The following ZAN variants were observed in gnomAD, a reference collection of about 807,000 sequenced individuals.
ZAN encodes zonadhesin.
ZAN carries 260 observed loss-of-function variants against 286.2 expected under a neutral mutation model. That is an observed-to-expected ratio of 0.91 (90% CI 0.82 to 1.01). The LOEUF (loss-of-function observed/expected upper bound fraction) is 1.01. Among genes scored for constraint, ZAN ranks in the 50% least tolerant of loss-of-function variants. The probability of loss-of-function intolerance (pLI) is 0.00; values close to 1 mark genes in which losing one functional copy is unlikely to be tolerated. For missense variants in ZAN, 3,410 were observed against 3,639.2 expected (o/e 0.94, Z 1.62); for synonymous variants, 1,368 against 1,417.5 (o/e 0.97, Z 0.79).
chr7:100,744,992 T>C lies in ZAN; in HGVS notation c.767-1546T>C, dbSNP rs570225063. Among the ~76,000 whole-genome samples the C allele has an allele frequency of 5.3e-4, 81 of 151,452 alleles. 2 individuals are homozygous for C. Among genetic ancestry groups the C allele is most frequent in the African/African-American group, 1.9e-3 (77 of 41,142 alleles). On this transcript the variant is annotated intron_variant, in intron 7 of 47. Transcript: ENST00000613979. Reference sequence around the variant, plus strand: ...TCCGCCTCCCGGGTTTAAGCGATTCTCCTGCCTCAGCCTCCCGAGTAGCTG... The same window carrying C: ...TCCGCCTCCCGGGTTTAAGCGATTCCCCTGCCTCAGCCTCCCGAGTAGCTG...
Position 100,762,345 on chromosome 7 carries a change from G to T in ZAN, c.3973G>T (p.Asp1325Tyr). Residue 1325 changes from aspartate to tyrosine, a missense_variant, in exon 20 of 48, where the codon GAC becomes TAC. This residue lies in a region of ZAN where 1,042 missense variants were observed against 1,058.0 expected (regional missense o/e 0.98). Coordinates refer to ENST00000613979, the MANE Select transcript of ZAN (RefSeq NM_003386.3). ...GGGGAACAGCTGGCAGACGGACCAG[G>T]ACGAGGACCAGGAGTGAGCAAGGAG... is the stretch of plus-strand genomic sequence containing the variant. ...ELGNSWQTDQ[D>Y]EDQECQKYQV... is the part of the protein sequence containing the mutation. The T allele has an allele frequency of 6.2e-7, 1 of 1,612,890 alleles. No homozygotes were observed. Among genetic ancestry groups the T allele is most frequent in the South Asian group, 1.1e-5 (1 of 91,024 alleles).
intron 45 of ZAN, among the ~76,000 whole-genome samples, chr7:100,795,889 G>C (rs1812329069): frequency 6.6e-6 from 1 of 150,842 alleles, no homozygotes; most frequent in Non-Finnish European, 1.5e-5. Flanking sequence ...CTGGGTGACA[G>C]AGCAAGACTC....
intron 34 of ZAN, among the ~76,000 whole-genome samples, chr7:100,778,945 A>G (rs1394650141): frequency 6.6e-6 from 1 of 151,820 alleles, no homozygotes; most frequent in African/African-American, 2.4e-5. Context: ...AGGCAGGAGA[A>G]TCGCTTTAAC....
chr7:100,751,979 A>C lies in ZAN; in HGVS notation c.1874A>C (p.Lys625Thr). 1.2e-6 allele frequency: 2 copies of C among 1,613,024 alleles called. No individual in the cohort carries two copies. Among genetic ancestry groups the C allele is most frequent in the Non-Finnish European group, 1.7e-6 (2 of 1,179,584 alleles). ...GAAAAACCCACCATTCCCTCAGAAA[A>C]ACCCACCATCCTCACAGAAAAACCC... is the stretch of plus-strand genomic sequence containing the variant. ...PSEKPTIPSEKPTILTEKPTI... is the reference protein window; with the variant it reads ...PSEKPTIPSETPTILTEKPTI... Residue 625 changes from lysine (K) to threonine (T), a missense_variant, in exon 14 of 48, where the codon AAA (lysine) becomes ACA (threonine). This residue lies in a region of ZAN where 872 missense variants were observed against 938.9 expected (regional missense o/e 0.93). Coordinates refer to ENST00000613979, the MANE Select transcript of ZAN (RefSeq NM_003386.3).
chr7:100,758,131 A>G (rs1809281252), intron 15 of ZAN, 71 bp from the exon 16 acceptor site: 2 of 1,253,294 alleles, frequency 1.6e-6, no homozygotes, highest in African/African-American at 1.6e-5. Context: ...TAAATAAATG[A>G]AAAAGAAAGG....
intron 23 of ZAN, among the ~76,000 whole-genome samples, chr7:100,765,988 G>GTTT (rs200743931): frequency 1.4e-5 from 2 of 139,946 alleles, no homozygotes; most frequent in African/African-American, 2.7e-5. Context: ...GTTGTTTTTG[G>GTTT]TTTTTGTTTT....
rs1182440035 is a variant in ZAN, at chr7:100,793,934, C to T, written c.7902C>T (p.Arg2634=). 6.2e-7 allele frequency: 1 copy of T among 1,613,826 alleles called. No individual in the cohort carries two copies. Among genetic ancestry groups the T allele is most frequent in the Non-Finnish European group, 8.5e-7 (1 of 1,179,892 alleles). Residue 2634 remains arginine, a synonymous_variant, in exon 43 of 48, where the codon CGC becomes CGT. Transcript: ENST00000613979. The part of the protein sequence containing the change: ...GLRGPLRGRL[R]QHPRLCLQWH... ...GAGGGCCCCTGCGTGGAAGGCTGCGCCAGCATCCCAGGCTATGCCTACAGT... is the reference window on the plus strand; with the variant it reads ...GAGGGCCCCTGCGTGGAAGGCTGCGTCAGCATCCCAGGCTATGCCTACAGT...
chr7:100,738,059 T>C (rs369864986), intron 6 of ZAN, among the ~76,000 whole-genome samples: 1 of 140,530 alleles, frequency 7.1e-6, no homozygotes. Context: ...TGGGTTCAAA[T>C]GATTCTCCTG....
At chr7:100,769,485 C>T (rs1017833338) in intron 27 of ZAN, among the ~76,000 whole-genome samples, 1 of 151,612 alleles carries the variant, frequency 6.6e-6, no homozygotes, top group Non-Finnish European at 1.5e-5. Context: ...CTTTCCTTTC[C>T]TTTCCTTCTC....
At chr7:100,776,634 C>A in intron 34 of ZAN, 70 bp downstream of exon 34, 1 of 1,125,240 alleles carries the variant, frequency 8.9e-7, no homozygotes, top group Non-Finnish European at 1.2e-6. Flanking sequence ...TTTCTGCCTT[C>A]CCTTCCCTTC....
intron 28 of ZAN, among the ~76,000 whole-genome samples, chr7:100,770,634 C>T (rs1434769271): frequency 1.3e-5 from 2 of 151,860 alleles, no homozygotes; most frequent in African/African-American, 4.8e-5. Context: ...AGGCATAAGC[C>T]ACCACGCCTG....
In ZAN at chr7:100,775,338, G is replaced by C; in HGVS notation, c.5790G>C (p.Val1930=). The part of the protein sequence containing the change: ...LLHCRASGVG[V]CQLPGESHYV... ...TCTCTGTCCTCCCAGGTGTGGGAGT[G>C]TGTCAGCTCCCAGGGGAGTCCCACT... is the stretch of plus-strand genomic sequence containing the variant. The change falls in exon 32 of 48, where the codon GTG becomes GTC. Residue 1930 remains valine (V), a synonymous_variant. Transcript: ENST00000613979. 1 of 1,613,104 alleles carries C rather than the reference G, an allele frequency of 6.2e-7. No homozygotes were observed. The highest frequency in any genetic ancestry group is 8.5e-7 in the Non-Finnish European group (1 of 1,179,592).
intron 22 of ZAN, 74 bp downstream of exon 22, chr7:100,764,270 C>T (rs555699090): frequency 2.0e-5 from 28 of 1,420,360 alleles, no homozygotes; most frequent in South Asian, 1.8e-4. Context: ...TTTGGGAGTC[C>T]GAGGCAGGTG....
intron 42 of ZAN, among the ~76,000 whole-genome samples, chr7:100,793,469 G>A (rs190485749): frequency 6.6e-6 from 1 of 152,022 alleles, no homozygotes; most frequent in Non-Finnish European, 1.5e-5. Context: ...GACAGAGTTC[G>A]CTTTTTGTTG....
At chr7:100,765,801 A>G (rs1335559986) in intron 23 of ZAN, among the ~76,000 whole-genome samples, 1 of 151,906 alleles carries the variant, frequency 6.6e-6, no homozygotes, top group Admixed American at 6.6e-5. Flanking sequence ...GGCATGCACC[A>G]CCATGCCCAG....
intron 15 of ZAN, among the ~76,000 whole-genome samples, chr7:100,756,412 G>C (rs1432884668): frequency 6.8e-6 from 1 of 147,566 alleles, no homozygotes; most frequent in Non-Finnish European, 1.5e-5. Flanking sequence ...CTGGGCGACA[G>C]AGTGACACCC....
intron 12 of ZAN, 66 bp from the exon 13 acceptor site, chr7:100,751,116 G>T: frequency 4.2e-6 from 6 of 1,413,432 alleles, no homozygotes; most frequent in Non-Finnish European, 5.8e-6. Flanking sequence ...ATGCCCAGTG[G>T]AATCACAGAG....
intron 37 of ZAN, among the ~76,000 whole-genome samples, chr7:100,786,529 C>T (rs144079382): frequency 0.011 from 1,617 of 152,322 alleles, 34 homozygotes; most frequent in African/African-American, 0.037. Flanking sequence ...ACATCTCAGC[C>T]TCCCAAGTAG....
intron 28 of ZAN, among the ~76,000 whole-genome samples, chr7:100,771,437 GTT>G (rs112916908): frequency 7.1e-6 from 1 of 139,964 alleles, no homozygotes; most frequent in Non-Finnish European, 1.6e-5. Context: ...TTTTTTTTTT[GTT>G]TTTTTTTTTT....
Sources: allele counts gnomAD v4.1 joint callset (sites outside exome capture counted in the v4.1 genomes callset), GRCh38; gene constraint gnomAD v4.1.1; regional missense constraint gnomAD v4.1.1; transcripts MANE v1.5; gene names NCBI Gene and HGNC (gene_info 2026-07-23, HGNC 2026-07-21).